Variants in CDKAL1 observed in about 807,000 individuals in gnomAD.
The protein encoded by CDKAL1 is threonylcarbamoyladenosine tRNA methylthiotransferase.
Under a neutral mutation model 68.2 loss-of-function variants are expected in CDKAL1, and 32 were observed. The observed-to-expected ratio is 0.47, with a 90% CI of 0.35 to 0.63. The LOEUF is 0.63. Ranked by LOEUF, CDKAL1 falls within the 30% of genes least tolerant of loss-of-function variation. CDKAL1 has a pLI of 0.00. For synonymous variants in CDKAL1, 234 were observed against 244.3 expected, an observed-to-expected ratio of 0.96 and a Z score of 0.39; for missense variants, 606 against 696.7, an observed-to-expected ratio of 0.87 and a Z score of 1.47.
chr6:20,839,851 T>C (rs1581679133), intron 8 of CDKAL1, among the ~76,000 whole-genome samples: 1 of 152,222 alleles, frequency 6.6e-6, no homozygotes, highest in Non-Finnish European at 1.5e-5. Flanking sequence ...TGTCAACTGG[T>C]CTGTCCATTA....
intron 4 of CDKAL1, among the ~76,000 whole-genome samples, chr6:20,566,485 T>A (rs1298335286): frequency 6.6e-6 from 1 of 152,162 alleles, no homozygotes; most frequent in Non-Finnish European, 1.5e-5. Context: ...TGGAGGAAAT[T>A]ATAAAATATA....
intron 7 of CDKAL1, among the ~76,000 whole-genome samples, chr6:20,772,573 T>A (rs1253621999): frequency 6.6e-6 from 1 of 152,254 alleles, no homozygotes; most frequent in Non-Finnish European, 1.5e-5. Context: ...TGCAGATTAC[T>A]TTGTTATATG....
At chr6:20,580,429 C>T (rs942487783) in intron 4 of CDKAL1, among the ~76,000 whole-genome samples, 1 of 152,076 alleles carries the variant, frequency 6.6e-6, no homozygotes, top group Non-Finnish European at 1.5e-5. Context: ...CTGCTTGTGA[C>T]ATTCTGCATT....
intron 15 of CDKAL1, among the ~76,000 whole-genome samples, chr6:21,221,050 C>T (rs1779521911): frequency 6.6e-6 from 1 of 151,898 alleles, no homozygotes; most frequent in South Asian, 2.1e-4. Context: ...GCCTGTAATC[C>T]CAGCTACTCG....
chr6:21,176,511 G>A (rs563746542), intron 13 of CDKAL1, among the ~76,000 whole-genome samples: 59 of 152,266 alleles, frequency 3.9e-4, no homozygotes, highest in African/African-American at 1.4e-3. Flanking sequence ...GTAAATTATA[G>A]TCTAAAGGAG....
At chr6:20,647,256 G>T (rs973235992) in intron 4 of CDKAL1, among the ~76,000 whole-genome samples, 6 of 152,296 alleles carry the variant, frequency 3.9e-5, no homozygotes, top group African/African-American at 1.4e-4. Flanking sequence ...TACGAGTAAG[G>T]TGTGAGTCTC....
At chr6:21,212,486 G>A (rs1024201197) in intron 15 of CDKAL1, among the ~76,000 whole-genome samples, 13 of 152,082 alleles carry the variant, frequency 8.5e-5, no homozygotes, top group Non-Finnish European at 1.9e-4. Flanking sequence ...ACTTTAGAGC[G>A]AGTTGCTTCT....
chr6:20,702,333 C>T (rs1469381177), intron 5 of CDKAL1, among the ~76,000 whole-genome samples: 1 of 152,092 alleles, frequency 6.6e-6, no homozygotes, highest in Non-Finnish European at 1.5e-5. Flanking sequence ...TTAGTCTTTC[C>T]GTCTATAGGC....
chr6:20,940,826 C>A (rs111777044), intron 9 of CDKAL1, among the ~76,000 whole-genome samples: 2 of 152,158 alleles, frequency 1.3e-5, no homozygotes, highest in Non-Finnish European at 2.9e-5. Flanking sequence ...CACTGTGGCT[C>A]ACGCCTGTAA....
At chr6:20,854,435 T>G (rs976347420) in intron 9 of CDKAL1, among the ~76,000 whole-genome samples, 1 of 152,242 alleles carries the variant, frequency 6.6e-6, no homozygotes, top group Admixed American at 6.5e-5. Context: ...CAAATATTTA[T>G]TGAGCATTCA....
intron 4 of CDKAL1, chr6:20,558,918 C>T (rs186618004): frequency 5.6e-4 from 141 of 250,606 alleles, no homozygotes; most frequent in Middle Eastern, 1.4e-3. Context: ...CGTGAGCCAC[C>T]GTGGCTGGCC....
At chr6:21,150,058 CA>C (rs1213128948) in intron 13 of CDKAL1, among the ~76,000 whole-genome samples, 10 of 151,988 alleles carry the variant, frequency 6.6e-5, no homozygotes, top group South Asian at 4.2e-4. Context: ...GGGGTTTCAC[CA>C]TTGTTAGCCA....
chr6:21,016,506 G>A (rs1768340518), intron 11 of CDKAL1, among the ~76,000 whole-genome samples: 1 of 151,976 alleles, frequency 6.6e-6, no homozygotes, highest in African/African-American at 2.4e-5. Context: ...TGTGGACTCT[G>A]GCAGGCAGTC....
intron 13 of CDKAL1, among the ~76,000 whole-genome samples, chr6:21,146,084 C>T (rs1264478448): frequency 6.6e-6 from 1 of 152,024 alleles, no homozygotes; most frequent in Non-Finnish European, 1.5e-5. Context: ...TGCTAATATC[C>T]AATGTTACAT....
intron 9 of CDKAL1, among the ~76,000 whole-genome samples, chr6:20,892,632 CAT>C (rs974089723): frequency 6.6e-6 from 1 of 152,124 alleles, no homozygotes; most frequent in African/African-American, 2.4e-5. Context: ...TTACACAAAA[CAT>C]GTACTCATAA....
At chr6:20,711,098 T>A (rs1239807007) in intron 5 of CDKAL1, among the ~76,000 whole-genome samples, 1 of 152,206 alleles carries the variant, frequency 6.6e-6, no homozygotes, top group African/African-American at 2.4e-5. Context: ...TAAGATTATA[T>A]GTAATTAAGT....
At chr6:20,998,171 C>T (rs1383801437) in intron 10 of CDKAL1, among the ~76,000 whole-genome samples, 2 of 152,088 alleles carry the variant, frequency 1.3e-5, no homozygotes, top group African/African-American at 4.8e-5. Flanking sequence ...AGTTATGTTT[C>T]TTAAATTTGG....
At chr6:20,926,936 T>G (rs114260804) in intron 9 of CDKAL1, among the ~76,000 whole-genome samples, 3,434 of 148,352 alleles carry the variant, frequency 0.023, 73 homozygotes, top group South Asian at 0.054. Flanking sequence ...TATATATATA[T>G]ATAGAGAGAG....
Position 20,880,656 on chromosome 6 carries a change from A to G in CDKAL1, c.742+34478A>G, listed in dbSNP as rs1325517073. ...TTTTTTGTGATTTATAAATTTCTCT[A>G]TGGCCTGTATCTTATACTGTATACA... On this transcript the variant is annotated intron_variant, in intron 9 of 15. Coordinates refer to ENST00000274695, the MANE Select transcript of CDKAL1 (RefSeq NM_017774.3). 2.0e-5 allele frequency among the ~76,000 whole-genome samples: 3 copies of G among 152,250 alleles called. No individual in the cohort carries two copies. In the South Asian group the frequency reaches 6.2e-4, roughly 32 times the overall value.
Sources: gnomAD v4.1 joint callset for allele counts (sites outside exome capture counted in the v4.1 genomes callset) on GRCh38, gnomAD v4.1.1 for gene constraint, MANE v1.5 for transcripts, NCBI Gene and HGNC (gene_info 2026-07-23, HGNC 2026-07-21) for gene names.